Variants in TNFSF4 observed in about 807,000 individuals in gnomAD.
TNFSF4 encodes TNF superfamily member 4.
Under a neutral mutation model 7.3 loss-of-function variants are expected in TNFSF4, and 4 were observed. That is an observed-to-expected ratio of 0.55 (90% confidence interval 0.27 to 1.25). TNFSF4 has a LOEUF of 1.25. Ranked by LOEUF, TNFSF4 falls within the 50% of genes most tolerant of loss-of-function variation. TNFSF4 has a pLI of 0.12. For missense variants in TNFSF4, 181 were observed against 208.8 expected (o/e 0.87, Z 0.82); for synonymous variants, 76 against 83.7 (o/e 0.91, Z 0.50).
downstream of TNFSF4, among the ~76,000 whole-genome samples, chr1:173,179,509 A>G (rs1649014124): frequency 6.6e-6 from 1 of 152,170 alleles, no homozygotes; most frequent in African/African-American, 2.4e-5. Flanking sequence ...ACATCTATAC[A>G]CACCCCTTTA....
intron 1 of TNFSF4, among the ~76,000 whole-genome samples, chr1:173,193,826 A>C (rs1312670743): frequency 6.6e-6 from 1 of 151,712 alleles, no homozygotes; most frequent in Admixed American, 6.6e-5. Flanking sequence ...GGGCTCTTTG[A>C]CCAAATGACT....
At chr1:173,271,128 G>A in the TNFSF4 span, among the ~76,000 whole-genome samples, 10 of 152,010 alleles carry the variant, frequency 6.6e-5, no homozygotes, top group South Asian at 2.1e-4. Flanking sequence ...CTTTTGCTGT[G>A]CAGAAGCTCT....
At chr1:173,435,764 T>C in the TNFSF4 span, among the ~76,000 whole-genome samples, 45 of 152,236 alleles carry the variant, frequency 3.0e-4, 1 homozygote. Flanking sequence ...TAAAGATTAA[T>C]AGTTGCTTAT....
the TNFSF4 span, among the ~76,000 whole-genome samples, chr1:173,302,961 G>A: frequency 6.6e-6 from 1 of 151,864 alleles, no homozygotes; most frequent in African/African-American, 2.4e-5. Context: ...GGGTCTGTAT[G>A]ATGACAGAGG....
the TNFSF4 span, among the ~76,000 whole-genome samples, chr1:173,397,808 CAG>C: frequency 2.0e-3 from 307 of 152,220 alleles, 2 homozygotes; most frequent in African/African-American, 7.0e-3. Flanking sequence ...AGAGGAATTG[CAG>C]AGATTTGCAC....
the TNFSF4 span, among the ~76,000 whole-genome samples, chr1:173,362,144 C>G: frequency 1.3e-5 from 2 of 152,156 alleles, no homozygotes. Context: ...TTCTTATCAT[C>G]AATACATTCA....
intron 1 of TNFSF4, among the ~76,000 whole-genome samples, chr1:173,190,841 G>A (rs1649448018): frequency 6.6e-6 from 1 of 152,194 alleles, no homozygotes; most frequent in Non-Finnish European, 1.5e-5. Context: ...GCTAATGCCA[G>A]GCAGGCAGGC....
chr1:173,448,514 G>A, the TNFSF4 span, among the ~76,000 whole-genome samples: 1 of 152,194 alleles, frequency 6.6e-6, no homozygotes, highest in African/African-American at 2.4e-5. Flanking sequence ...CGAAAAGAGA[G>A]TCAGAGAAGG....
chr1:173,377,839 T>C, the TNFSF4 span, among the ~76,000 whole-genome samples: 5 of 152,272 alleles, frequency 3.3e-5, no homozygotes, highest in African/African-American at 9.6e-5. Flanking sequence ...TTCCTATTCA[T>C]ATAAGTGAGG....
chr1:173,244,047 G>A, the TNFSF4 span, among the ~76,000 whole-genome samples: 3 of 152,108 alleles, frequency 2.0e-5, no homozygotes, highest in Non-Finnish European at 4.4e-5. Context: ...TTCTTCTCCT[G>A]ATCTTGTAAA....
the TNFSF4 span, among the ~76,000 whole-genome samples, chr1:173,218,492 A>G: frequency 1.3e-5 from 2 of 151,934 alleles, no homozygotes; most frequent in Non-Finnish European, 2.9e-5. Context: ...AAAAATTCCC[A>G]AGACTCCTTA....
At chr1:173,418,214 A>C in the TNFSF4 span, 1 of 152,236 alleles carries the variant, frequency 6.6e-6, no homozygotes, top group Non-Finnish European at 1.5e-5. Context: ...TAGGCAGCAG[A>C]GCTATTGTTA....
At chr1:173,414,577 T>A in the TNFSF4 span, among the ~76,000 whole-genome samples, 1 of 152,162 alleles carries the variant, frequency 6.6e-6, no homozygotes, top group Non-Finnish European at 1.5e-5. Flanking sequence ...CTGCTTATGG[T>A]TTTCAGTCTT....
chr1:173,432,187 G>C, the TNFSF4 span, among the ~76,000 whole-genome samples: 1 of 152,168 alleles, frequency 6.6e-6, no homozygotes, highest in Non-Finnish European at 1.5e-5. Context: ...TTGCTCCCCA[G>C]TGAGGAATCC....
the TNFSF4 span, among the ~76,000 whole-genome samples, chr1:173,239,453 G>A: frequency 6.6e-6 from 1 of 152,192 alleles, no homozygotes; most frequent in East Asian, 1.9e-4. Flanking sequence ...TCCACCCATA[G>A]TGTCACAACA....
the TNFSF4 span, among the ~76,000 whole-genome samples, chr1:173,389,250 T>C: frequency 6.6e-6 from 1 of 152,210 alleles, no homozygotes; most frequent in Non-Finnish European, 1.5e-5. Flanking sequence ...TTTAGATATC[T>C]AGCAGTCAAT....
chr1:173,213,482 A>C, the TNFSF4 span, among the ~76,000 whole-genome samples: 2 of 152,216 alleles, frequency 1.3e-5, no homozygotes, highest in Admixed American at 1.3e-4. Context: ...TACATTTTAA[A>C]TTGCGTATTT....
At chr1:173,395,017 TAGATAGATAGATAGATAGATGATA>T in the TNFSF4 span, among the ~76,000 whole-genome samples, 1 of 129,176 alleles carries the variant, frequency 7.7e-6, no homozygotes, top group African/African-American at 2.8e-5. Context: ...GATAGATAGA[TAGATAGATAGATAGATAGATGATA>T]GATAGATAGA....
chr1:173,314,278 T>G, the TNFSF4 span, among the ~76,000 whole-genome samples: 1 of 152,174 alleles, frequency 6.6e-6, no homozygotes, highest in Non-Finnish European at 1.5e-5. Flanking sequence ...GTATACATTT[T>G]GTTGTTTTAT....
Sources: allele counts gnomAD v4.1 joint callset (sites outside exome capture counted in the v4.1 genomes callset), GRCh38; gene constraint gnomAD v4.1.1; transcripts MANE v1.5; gene names NCBI Gene and HGNC (gene_info 2026-07-23, HGNC 2026-07-21).